The following FNDC1 variants were observed in gnomAD, a reference collection of about 807,000 sequenced individuals.
The protein encoded by FNDC1 is fibronectin type III domain containing 1, also known as fibronectin type III domain-containing protein 1.
A neutral mutation model predicts 168.0 loss-of-function variants in FNDC1; 96 were observed. The ratio of observed to expected loss-of-function variants is 0.57; its 90% confidence interval spans 0.48 to 0.68. The LOEUF (loss-of-function observed/expected upper bound fraction) is 0.68. Among genes scored for constraint, FNDC1 ranks in the 30% least tolerant of loss-of-function variants. FNDC1 has a pLI of 0.00. For missense variants in FNDC1, 2,587 were observed against 2,482.1 expected (o/e 1.04, Z -0.90); for synonymous variants, 1,099 against 1,025.9 (o/e 1.07, Z -1.36).
chr6:159,220,548 C>A (rs187085137), intron 5 of FNDC1, among the ~76,000 whole-genome samples: 4 of 152,214 alleles, frequency 2.6e-5, no homozygotes, highest in Non-Finnish European at 4.4e-5. Flanking sequence ...GTGTGTGACC[C>A]TGGGCAAGTC....
Position 159,233,504 on chromosome 6 carries a change from C to T in FNDC1, c.2992C>T (p.Pro998Ser), listed in dbSNP as rs779316172. ...QHPSVPRRMT[P>S]GRAPQQQPPP... is the part of the protein sequence containing the mutation. The stretch of plus-strand genomic sequence containing the variant: ...TCCCAGTGTTCCCAGAAGGATGACA[C>T]CCGGCCGGGCCCCACAACAGCAGCC... Residue 998 changes from proline (P) to serine (S), a missense_variant, in exon 11 of 23, where the codon CCC becomes TCC. By Grantham distance (74) the Pro-to-Ser change is moderately conservative. Transcript: ENST00000297267. The surrounding 1 kb of genome is among the most constrained non-coding windows in gnomAD (Gnocchi z 4.6). 1.2e-6 allele frequency: 2 copies of T among 1,602,786 alleles called. No individual in the cohort carries two copies. Among genetic ancestry groups the T allele is most frequent in the Non-Finnish European group, 1.7e-6 (2 of 1,177,864 alleles).
At chr6:159,221,520 C>A (rs1185790473) in intron 5 of FNDC1, 78 bp from the exon 6 acceptor site, 13 of 1,136,050 alleles carry the variant, frequency 1.1e-5, no homozygotes, top group Non-Finnish European at 1.6e-5. Context: ...GAATGCAGAA[C>A]CCCCGCTCCA....
chr6:159,265,946 C>G, intron 20 of FNDC1, 138 bp from the exon 21 acceptor site: 1 of 881,988 alleles, frequency 1.1e-6, no homozygotes, highest in South Asian at 1.8e-5. Flanking sequence ...AAACAAACAA[C>G]AACACAAACA....
intron 4 of FNDC1, among the ~76,000 whole-genome samples, chr6:159,211,796 T>C (rs1782612312): frequency 6.6e-6 from 1 of 152,224 alleles, no homozygotes; most frequent in Non-Finnish European, 1.5e-5. Context: ...CTGTGCACTA[T>C]TTTACAGAAG....
Position 159,215,035 on chromosome 6 carries a change from G to A in FNDC1, c.551G>A (p.Gly184Glu). Residue 184 changes from glycine to glutamate, a missense_variant, in exon 5 of 23, where the codon GGA becomes GAA. Gly to Glu is a moderately conservative substitution (Grantham distance 98). Coordinates refer to ENST00000297267, the MANE Select transcript of FNDC1 (RefSeq NM_032532.3). ...SVAWKAPRLS[G>E]AKSPRRSRGF... ...GCGTGGAAGGCACCACGCCTGTCTGGAGCCAAGAGTCCACGCAGATCACGG... is the reference window on the plus strand; with the variant it reads ...GCGTGGAAGGCACCACGCCTGTCTGAAGCCAAGAGTCCACGCAGATCACGG... 6.2e-7 allele frequency: 1 copy of A among 1,614,022 alleles called. No homozygotes were observed. The highest frequency in any genetic ancestry group is 8.5e-7 in the Non-Finnish European group (1 of 1,179,890).
At position 159,249,111 on chromosome 6, in the gene FNDC1, T is replaced by A; in HGVS notation, c.4763T>A (p.Ile1588Asn). ...ACCACTGCTACCACACCGAGGGTGA[T>A]CCCAGAGGAAGGCGCCATCAGTTCC... ...PSTTATTPRV[I>N]PEEGAISSFP... Residue 1588 changes from isoleucine to asparagine, a missense_variant, in exon 16 of 23, where the codon ATC becomes AAC. Transcript: ENST00000297267. 1 of 1,609,766 alleles carries A rather than the reference T, an allele frequency of 6.2e-7. No individual in the cohort carries two copies. The highest frequency in any genetic ancestry group is 8.5e-7 in the Non-Finnish European group (1 of 1,177,998).
intron 20 of FNDC1, 47 bp downstream of exon 20, chr6:159,265,051 A>C (rs1219795868): frequency 6.8e-7 from 1 of 1,478,768 alleles, no homozygotes; most frequent in Non-Finnish European, 9.3e-7. Context: ...AATCAAGTTG[A>C]ATATTGAATA....
intron 1 of FNDC1, among the ~76,000 whole-genome samples, chr6:159,172,199 A>G (rs1288671890): frequency 6.6e-6 from 1 of 152,208 alleles, no homozygotes; most frequent in Non-Finnish European, 1.5e-5. Flanking sequence ...ACTGCTGATG[A>G]CCAAGTTCAG....
At chr6:159,212,161 A>G (rs1371348175) in intron 4 of FNDC1, among the ~76,000 whole-genome samples, 1 of 152,258 alleles carries the variant, frequency 6.6e-6, no homozygotes, top group African/African-American at 2.4e-5. Context: ...TTCTGTTATC[A>G]GCCAGTTCTG....
Position 159,271,513 on chromosome 6 carries a change from C to A in FNDC1, c.*71C>A. 8.4e-7 allele frequency: 1 copy of A among 1,192,536 alleles called. No homozygotes were observed. Among genetic ancestry groups the A allele is most frequent in the Non-Finnish European group, 1.2e-6 (1 of 821,158 alleles). The allele number at this position is 1,192,536 out of a possible 1,614,324, so 73.9% of individuals were successfully genotyped here. On this transcript the variant is annotated 3_prime_UTR_variant, in exon 23 of 23. Transcript: ENST00000297267. ...ACTAAGTCGCACTAGGGGCTGTGAG[C>A]AAAGACAGCCAGCGTGCTCAGCCCC... is the stretch of plus-strand genomic sequence containing the variant.
chr6:159,229,388 A>G (rs1783034181), intron 9 of FNDC1, among the ~76,000 whole-genome samples: 1 of 152,212 alleles, frequency 6.6e-6, no homozygotes, highest in South Asian at 2.1e-4. Flanking sequence ...AATAAAGTAA[A>G]ACTCTTGAAG....
At position 159,232,383 on chromosome 6, in the gene FNDC1, C is replaced by T. The variant is rs781002567; in HGVS notation, c.1871C>T (p.Ala624Val). 3 of 1,613,472 alleles carry T rather than the reference C, an allele frequency of 1.9e-6. No homozygotes were observed. The highest frequency in any genetic ancestry group is 2.2e-5 in the East Asian group (1 of 44,844). Reference protein sequence around the residue: ...PSASASPAHHASTQGTSHRPS... With the variant: ...PSASASPAHHVSTQGTSHRPS... ...GCTTCGGCCTCTCCTGCCCACCACG[C>T]GTCCACCCAGGGCACCTCTCATCGT... Residue 624 changes from alanine (A) to valine (V), a missense_variant, in exon 11 of 23, where the codon GCG becomes GTG. Coordinates refer to ENST00000297267, the MANE Select transcript of FNDC1 (RefSeq NM_032532.3). The surrounding 1 kb of genome is among the most constrained non-coding windows in gnomAD (Gnocchi z 4.9).
chr6:159,223,577 A>G lies in FNDC1; in HGVS notation c.816A>G (p.Ser272=). ...VPDDISVRVM[S]SQSVLVSWVD... The stretch of plus-strand genomic sequence containing the variant: ...ACGACATCAGCGTCCGGGTTATGTC[A>G]TCTCAGTCTGTGCTTGTGTCCTGGG... Residue 272 remains serine (S), a synonymous_variant, in exon 7 of 23, where the codon TCA becomes TCG. Transcript: ENST00000297267. 6.2e-7 allele frequency: 1 copy of G among 1,613,882 alleles called. No homozygotes were observed. The highest frequency in any genetic ancestry group is 8.5e-7 in the Non-Finnish European group (1 of 1,179,830).
At chr6:159,175,094 A>G (rs1781736090) in intron 1 of FNDC1, among the ~76,000 whole-genome samples, 1 of 152,202 alleles carries the variant, frequency 6.6e-6, no homozygotes. Flanking sequence ...GCAGTCTCCT[A>G]CATGTGGACG....
chr6:159,225,321 G>A (rs1461049936), intron 7 of FNDC1, among the ~76,000 whole-genome samples: 1 of 151,242 alleles, frequency 6.6e-6, no homozygotes, highest in Non-Finnish European at 1.5e-5. Flanking sequence ...TTTTGGTCTT[G>A]AAAAGACACT....
intron 14 of FNDC1, chr6:159,240,697 C>T (rs1783399660): frequency 6.6e-6 from 1 of 152,228 alleles, no homozygotes; most frequent in Admixed American, 6.5e-5. Context: ...AGAGCAGGAG[C>T]TAGGAGACCT....
chr6:159,246,708 G>A (rs1007120356), intron 14 of FNDC1, among the ~76,000 whole-genome samples, 193 bp from the exon 15 acceptor site: 12 of 152,186 alleles, frequency 7.9e-5, no homozygotes, highest in African/African-American at 2.9e-4. Flanking sequence ...TGGGCCCAAA[G>A]GAGAGAAAGT....
chr6:159,238,495 G>T, intron 12 of FNDC1, 59 bp from the exon 13 acceptor site: 2 of 1,186,482 alleles, frequency 1.7e-6, no homozygotes, highest in South Asian at 2.7e-5. Flanking sequence ...TATATAATTG[G>T]ACTAATGTGA....
intron 1 of FNDC1, among the ~76,000 whole-genome samples, chr6:159,172,369 C>T (rs1781680856): frequency 6.6e-6 from 1 of 152,188 alleles, no homozygotes; most frequent in South Asian, 2.1e-4. Flanking sequence ...CAAAAATGAA[C>T]AAAGGGAACT....
Sources: allele counts gnomAD v4.1 joint callset (sites outside exome capture counted in the v4.1 genomes callset), GRCh38; gene constraint gnomAD v4.1.1; non-coding constraint Gnocchi (gnomAD v3.1); transcripts MANE v1.5; gene names NCBI Gene and HGNC (gene_info 2026-07-23, HGNC 2026-07-21).